Variants in SLC24A2 observed in about 807,000 individuals in gnomAD.
SLC24A2 encodes sodium/potassium/calcium exchanger 2.
A neutral mutation model predicts 62.0 loss-of-function variants in SLC24A2; 36 were observed. That is an observed-to-expected ratio of 0.58 (90% CI 0.44 to 0.77). The LOEUF is 0.77. Among genes scored for constraint, SLC24A2 ranks in the 30% least tolerant of loss-of-function variants. The pLI, the probability that SLC24A2 is intolerant of heterozygous loss-of-function variation, is 0.00. For missense variants in SLC24A2, 846 were observed against 817.9 expected (o/e 1.03, Z -0.42); for synonymous variants, 358 against 294.0 (o/e 1.22, Z -2.23).
chr9:19,639,958 T>C (rs1215530962), intron 2 of SLC24A2, among the ~76,000 whole-genome samples: 2 of 152,234 alleles, frequency 1.3e-5, no homozygotes, highest in African/African-American at 4.8e-5. Flanking sequence ...CCCCAAACCA[T>C]ATGCCCTCTT....
At chr9:19,780,638 G>A (rs1822987872) in intron 2 of SLC24A2, among the ~76,000 whole-genome samples, 2 of 151,484 alleles carry the variant, frequency 1.3e-5, no homozygotes, top group Non-Finnish European at 2.9e-5. Context: ...TGTAATCCCA[G>A]CACTTTGGGA....
intron 2 of SLC24A2, among the ~76,000 whole-genome samples, chr9:19,689,829 C>G (rs1197888448): frequency 2.6e-5 from 4 of 152,094 alleles, no homozygotes; most frequent in African/African-American, 9.7e-5. Context: ...GCTGGTTAAA[C>G]ATTACTTCTG....
chr9:19,535,577 C>T lies in SLC24A2; in HGVS notation c.1480-7439G>A, dbSNP rs138543410. Among the ~76,000 whole-genome samples, 528 of 152,282 alleles carry T rather than the reference C, an allele frequency of 3.5e-3. 4 individuals are homozygous for T. Among genetic ancestry groups the T allele is most frequent in the Non-Finnish European group, 5.1e-3 (347 of 68,028 alleles). ...GTTTAAGTTTTCTGCATGTGACTAG[C>T]CAATTTTCCCAGCACCATTGATTAC... On this transcript the variant is annotated intron_variant, in intron 8 of 10. Coordinates refer to ENST00000341998, the MANE Select transcript of SLC24A2 (RefSeq NM_020344.4).
At chr9:20,250,575 A>C in the SLC24A2 span, among the ~76,000 whole-genome samples, 1 of 152,228 alleles carries the variant, frequency 6.6e-6, no homozygotes, top group Admixed American at 6.5e-5. Flanking sequence ...CTGGTTATGG[A>C]TATAAATAAA....
At chr9:19,924,130 G>A in the SLC24A2 span, among the ~76,000 whole-genome samples, 8,227 of 152,262 alleles carry the variant, frequency 0.054, 727 homozygotes, top group African/African-American at 0.18. Context: ...CAGAGCAGCT[G>A]GCTGTACAAT....
intron 2 of SLC24A2, among the ~76,000 whole-genome samples, chr9:19,712,046 T>G (rs7855375): frequency 0.068 from 10,326 of 152,202 alleles, 398 homozygotes; most frequent in African/African-American, 0.092. Flanking sequence ...TCTGTGCCCC[T>G]GAACAATACC....
the SLC24A2 span, among the ~76,000 whole-genome samples, chr9:20,221,804 C>G: frequency 6.6e-6 from 1 of 151,982 alleles, no homozygotes; most frequent in Non-Finnish European, 1.5e-5. Flanking sequence ...TAACTGTCAA[C>G]CTGCAATTTC....
chr9:20,253,990 T>C, the SLC24A2 span, among the ~76,000 whole-genome samples: 3 of 151,720 alleles, frequency 2.0e-5, no homozygotes, highest in African/African-American at 7.3e-5. Context: ...GAATATGAGG[T>C]TGAAATAAAG....
At chr9:20,034,945 A>G in the SLC24A2 span, among the ~76,000 whole-genome samples, 2 of 152,234 alleles carry the variant, frequency 1.3e-5, no homozygotes, top group African/African-American at 4.8e-5. Context: ...CTCTATAGGA[A>G]TGTCACAAAT....
chr9:19,694,538 G>C (rs577845538), intron 2 of SLC24A2, among the ~76,000 whole-genome samples: 1 of 152,102 alleles, frequency 6.6e-6, no homozygotes, highest in Non-Finnish European at 1.5e-5. Context: ...AAATGTAAAT[G>C]CTGCCCAAAG....
chr9:20,063,217 C>T, the SLC24A2 span, among the ~76,000 whole-genome samples: 16 of 151,212 alleles, frequency 1.1e-4, no homozygotes, highest in South Asian at 1.1e-3. Flanking sequence ...GCACTATTCA[C>T]GATAGCAAAG....
chr9:19,888,281 G>T, the SLC24A2 span, among the ~76,000 whole-genome samples: 1 of 152,036 alleles, frequency 6.6e-6, no homozygotes, highest in East Asian at 1.9e-4. Context: ...TCCTAAGTAG[G>T]TGCAAATGAC....
intron 8 of SLC24A2, among the ~76,000 whole-genome samples, chr9:19,548,729 T>C (rs1834699814): frequency 1.3e-5 from 2 of 152,166 alleles, no homozygotes. Context: ...AATGCTCTCC[T>C]CCCTGTGCAG....
chr9:20,035,055 A>G, the SLC24A2 span, among the ~76,000 whole-genome samples: 3 of 152,094 alleles, frequency 2.0e-5, no homozygotes, highest in Admixed American at 6.5e-5. Context: ...AAAAAGTACC[A>G]TATTATTATA....
At chr9:20,004,490 C>A in the SLC24A2 span, among the ~76,000 whole-genome samples, 1 of 152,184 alleles carries the variant, frequency 6.6e-6, no homozygotes, top group African/African-American at 2.4e-5. Context: ...CAGTTAATAA[C>A]AGAATATAGG....
the SLC24A2 span, among the ~76,000 whole-genome samples, chr9:20,027,523 A>G: frequency 6.6e-6 from 1 of 152,214 alleles, no homozygotes; most frequent in African/African-American, 2.4e-5. Context: ...CGTAGAGGAC[A>G]TTACGTTAAG....
the SLC24A2 span, among the ~76,000 whole-genome samples, chr9:20,128,286 T>G: frequency 1.3e-5 from 2 of 152,144 alleles, no homozygotes; most frequent in Non-Finnish European, 2.9e-5. Flanking sequence ...AGGGAAGAGA[T>G]ATCATCTTCA....
the SLC24A2 span, among the ~76,000 whole-genome samples, chr9:19,832,366 A>C: frequency 6.6e-6 from 1 of 152,250 alleles, no homozygotes; most frequent in Admixed American, 6.5e-5. Flanking sequence ...AACATGTTGT[A>C]AGCCAGATAT....
chr9:19,649,355 T>C (rs987682004), intron 2 of SLC24A2, among the ~76,000 whole-genome samples: 2 of 152,108 alleles, frequency 1.3e-5, no homozygotes, highest in African/African-American at 2.4e-5. Context: ...CACAAAAATA[T>C]GTTGGGTATT....
Sources: allele counts gnomAD v4.1 joint callset (sites outside exome capture counted in the v4.1 genomes callset), GRCh38; gene constraint gnomAD v4.1.1; transcripts MANE v1.5; gene names NCBI Gene and HGNC (gene_info 2026-07-23, HGNC 2026-07-21).